SRRM3: variants seen among roughly 807,000 people sequenced by gnomAD.
The protein encoded by SRRM3 is serine/arginine repetitive matrix protein 3.
SRRM3 carries 27 observed loss-of-function variants against 66.2 expected under a neutral mutation model. The observed-to-expected ratio is 0.41, with a 90% CI of 0.30 to 0.56. The LOEUF (loss-of-function observed/expected upper bound fraction) is 0.56. Ranked by LOEUF, SRRM3 falls within the 20% of genes least tolerant of loss-of-function variation. The pLI, the probability that SRRM3 is intolerant of heterozygous loss-of-function variation, is 0.32. For missense variants in SRRM3, 918 were observed against 991.9 expected (o/e 0.93, Z 1.00); for synonymous variants, 391 against 414.9 (o/e 0.94, Z 0.70).
chr7:76,212,459 G>C (rs569842704), intron 1 of SRRM3, among the ~76,000 whole-genome samples: 1 of 144,968 alleles, frequency 6.9e-6, no homozygotes, highest in Non-Finnish European at 1.5e-5. Context: ...ACCCAGCAAG[G>C]TCTGCTTTTT....
At position 76,260,123 on chromosome 7, in the gene SRRM3, G is replaced by A; in HGVS notation, c.471G>A (p.Lys157=). The part of the protein sequence containing the change: ...CYRGHRGYRT[K]HWSSSSASPP... ...CCCGCCCCTTCTCCCCCAGGACCAA[G>A]CATTGGTCTAGCAGCTCGGCATCGC... The change falls in exon 5 of 15, where the codon AAG becomes AAA. Residue 157 remains lysine, a synonymous_variant. Transcript: ENST00000611745. 1.4e-6 allele frequency: 2 copies of A among 1,457,142 alleles called. No individual in the cohort carries two copies. Among genetic ancestry groups the A allele is most frequent in the Middle Eastern group, 2.5e-4 (1 of 4,018 alleles). 90.3% of individuals were successfully genotyped at this position (1,457,142 alleles called of 1,614,324 possible).
chr7:76,259,775 T>G, intron 3 of SRRM3, 131 bp from the exon 4 acceptor site: 1 of 1,403,344 alleles, frequency 7.1e-7, no homozygotes, highest in Admixed American at 1.9e-5. Flanking sequence ...GGGCCGCAGT[T>G]ACCCCTCGCC....
chr7:76,283,755 GC>G (rs1262531507), intron 14 of SRRM3: 30 of 984,292 alleles, frequency 3.0e-5, no homozygotes, highest in Non-Finnish European at 3.5e-5. Flanking sequence ...CAGCTGTGGG[GC>G]TGTGCCCAGG....
chr7:76,282,821 A>C lies in SRRM3; in HGVS notation c.1544A>C (p.Lys515Thr). ...PSKSRSRSAE[K>T]RPHSPSRSPS... ...AAATCTCGCTCGCGCTCTGCGGAGA[A>C]GCGGCCCCACAGCCCCAGCCGCTCG... The change falls in exon 13 of 15, where the codon AAG becomes ACG. Residue 515 changes from lysine (K) to threonine (T), a missense_variant. Coordinates refer to ENST00000611745, the MANE Select transcript of SRRM3 (RefSeq NM_001110199.3). The C allele has an allele frequency of 6.8e-7, 1 of 1,462,394 alleles. No individual in the cohort carries two copies. Among genetic ancestry groups the C allele is most frequent in the Admixed American group, 2.4e-5 (1 of 40,874 alleles). The allele number at this position is 1,462,394 out of a possible 1,614,324, so 90.6% of individuals were successfully genotyped here. A position where few individuals can be genotyped will look rare whatever the true frequency, so the allele number is the denominator to read the frequency against.
chr7:76,218,103 C>A (rs1800613746), intron 1 of SRRM3, among the ~76,000 whole-genome samples: 1 of 152,178 alleles, frequency 6.6e-6, no homozygotes, highest in East Asian at 1.9e-4. Context: ...CTGCCTAGCT[C>A]CCAGGTGTGA....
intron 1 of SRRM3, among the ~76,000 whole-genome samples, chr7:76,203,000 G>C (rs115768105): frequency 1.3e-5 from 2 of 152,110 alleles, no homozygotes; most frequent in African/African-American, 2.4e-5. Flanking sequence ...CCCTAGCATC[G>C]GGGGCTTGAG....
At chr7:76,222,206 AG>A (rs1554603291) in intron 1 of SRRM3, among the ~76,000 whole-genome samples, 1 of 152,126 alleles carries the variant, frequency 6.6e-6, no homozygotes, top group Non-Finnish European at 1.5e-5. Flanking sequence ...GCTTGAGTCC[AG>A]GAGTTAGAGA....
chr7:76,281,717 A>G lies in SRRM3; in HGVS notation c.1285A>G (p.Ser429Gly). The G allele has an allele frequency of 7.9e-7, 1 of 1,264,026 alleles. No homozygotes were observed. Among genetic ancestry groups the G allele is most frequent in the Non-Finnish European group, 1.0e-6 (1 of 998,902 alleles). 78.3% of individuals were successfully genotyped at this position (1,264,026 alleles called of 1,614,324 possible). A position where few individuals can be genotyped will look rare whatever the true frequency, so the allele number is the denominator to read the frequency against. ...GCGCTCGCTCAGCAGGGCCCGCTCC[A>G]GCAGCGACTCCGGCAGCGGCCGCGG... ...SSRSLSRARS[S>G]SDSGSGRGAP... is the part of the protein sequence containing the mutation. Residue 429 changes from serine (S) to glycine (G), a missense_variant, in exon 12 of 15, where the codon AGC (serine) becomes GGC (glycine). Ser to Gly is a moderately conservative substitution (Grantham distance 56). Coordinates refer to ENST00000611745, the MANE Select transcript of SRRM3 (RefSeq NM_001110199.3).
intron 14 of SRRM3, 123 bp downstream of exon 14, chr7:76,283,224 G>GCCA: frequency 1.7e-6 from 2 of 1,157,222 alleles, no homozygotes; most frequent in South Asian, 4.0e-5. Context: ...GGGATGGGGG[G>GCCA]GGGTGCTAAG....
chr7:76,260,239 T>TG, intron 5 of SRRM3, 42 bp downstream of exon 5: 1 of 1,458,068 alleles, frequency 6.9e-7, no homozygotes, highest in Non-Finnish European at 9.2e-7. Context: ...GAGGAGGAGG[T>TG]GGGGTCTCTC....
chr7:76,208,824 C>T (rs782132297), intron 1 of SRRM3, among the ~76,000 whole-genome samples: 45 of 112,880 alleles, frequency 4.0e-4, no homozygotes, highest in Non-Finnish European at 6.2e-4. Context: ...GAGTGTAGAG[C>T]AAGAAGACCC....
intron 1 of SRRM3, among the ~76,000 whole-genome samples, chr7:76,205,667 G>C (rs1800284245): frequency 1.3e-5 from 2 of 152,240 alleles, no homozygotes; most frequent in African/African-American, 4.8e-5. Context: ...GAGAGGGTGT[G>C]GAAGGCATCT....
At chr7:76,204,985 G>A (rs1800259151) in intron 1 of SRRM3, among the ~76,000 whole-genome samples, 1 of 151,878 alleles carries the variant, frequency 6.6e-6, no homozygotes. Context: ...TCAGCCTCCT[G>A]CCCCTCAGTG....
intron 1 of SRRM3, among the ~76,000 whole-genome samples, chr7:76,204,623 T>C (rs1800251043): frequency 6.6e-6 from 1 of 152,096 alleles, no homozygotes; most frequent in Admixed American, 6.6e-5. Context: ...CAGTGAGTGT[T>C]GGAGAGGTGG....
intron 14 of SRRM3, among the ~76,000 whole-genome samples, chr7:76,284,696 G>C (rs540821912): frequency 5.3e-5 from 8 of 152,254 alleles, no homozygotes; most frequent in Middle Eastern, 6.8e-3. Flanking sequence ...CCCTCTCCCA[G>C]GCTGCCTCCT....
rs576443127 is a variant in SRRM3 at position 76,267,223 on chromosome 7, C to G, written c.831-35C>G. On this transcript the variant is annotated intron_variant, in intron 10 of 14. Coordinates refer to ENST00000611745, the MANE Select transcript of SRRM3 (RefSeq NM_001110199.3). ...CTGCTTGCAAAGCGGGTGTCCCACG[C>G]CGACTCCCCCATTCTTCCTGGCGCC... 7.4e-6 allele frequency: 11 copies of G among 1,483,544 alleles called. No individual in the cohort carries two copies. The East Asian group carries it at 2.5e-4, about 34-fold the overall frequency. The allele number at this position is 1,483,544 out of a possible 1,614,324, so 91.9% of individuals were successfully genotyped here. A position where few individuals can be genotyped will look rare whatever the true frequency, so the allele number is the denominator to read the frequency against.
At chr7:76,267,694 T>C in intron 11 of SRRM3, 1 of 371,826 alleles carries the variant, frequency 2.7e-6, no homozygotes, top group South Asian at 1.2e-4. Flanking sequence ...CTTGGCAAAC[T>C]GAAGGCCAGA....
intron 2 of SRRM3, among the ~76,000 whole-genome samples, chr7:76,247,223 T>C (rs1801463547): frequency 6.6e-6 from 1 of 151,862 alleles, no homozygotes; most frequent in South Asian, 2.1e-4. Context: ...AGACTGGGCT[T>C]AGGGTGGGAG....
At chr7:76,266,500 T>A (rs1307190550) in intron 10 of SRRM3, among the ~76,000 whole-genome samples, 2 of 108,036 alleles carry the variant, frequency 1.9e-5, no homozygotes, top group African/African-American at 7.5e-5. Context: ...ATTTATATAT[T>A]TAATATATAA....
Sources: allele counts gnomAD v4.1 joint callset (sites outside exome capture counted in the v4.1 genomes callset), GRCh38; gene constraint gnomAD v4.1.1; transcripts MANE v1.5; gene names NCBI Gene and HGNC (gene_info 2026-07-23, HGNC 2026-07-21).